The following GPM6A variants were observed in gnomAD, a reference collection of about 807,000 sequenced individuals.
The protein encoded by GPM6A is glycoprotein M6A.
Under a neutral mutation model 32.1 loss-of-function variants are expected in GPM6A, and 7 were observed. The observed-to-expected ratio is 0.22, with a 90% CI of 0.12 to 0.41. The LOEUF is 0.41. Among genes scored for constraint, GPM6A ranks in the 10% least tolerant of loss-of-function variants. The pLI, the probability that GPM6A is intolerant of heterozygous loss-of-function variation, is 1.00. For missense variants in GPM6A, 235 were observed against 347.2 expected, an observed-to-expected ratio of 0.68 and a Z score of 2.57; for synonymous variants, 130 against 123.4, an observed-to-expected ratio of 1.05 and a Z score of -0.35.
At chr4:175,862,194 A>C (rs556694891) in intron 1 of GPM6A, among the ~76,000 whole-genome samples, 12 of 152,232 alleles carry the variant, frequency 7.9e-5, no homozygotes, top group Non-Finnish European at 1.5e-4. Context: ...AAAAGTGTGC[A>C]CTTTGCAAGA....
chr4:175,771,056 T>A (rs1733167648), intron 1 of GPM6A, among the ~76,000 whole-genome samples: 1 of 152,200 alleles, frequency 6.6e-6, no homozygotes, highest in South Asian at 2.1e-4. Context: ...TTCCTCTGTA[T>A]GTCTGTAGCG....
intron 2 of GPM6A, among the ~76,000 whole-genome samples, chr4:175,685,024 A>T (rs1743899947): frequency 6.6e-6 from 1 of 151,888 alleles, no homozygotes; most frequent in Non-Finnish European, 1.5e-5. Context: ...AGTAGCTGGG[A>T]CTACAGGGGC....
intron 2 of GPM6A, among the ~76,000 whole-genome samples, chr4:175,674,722 T>C (rs1202381804): frequency 6.6e-6 from 1 of 151,666 alleles, no homozygotes; most frequent in Non-Finnish European, 1.5e-5. Context: ...TTGTTAATGA[T>C]AATGCGAATA....
At chr4:175,664,086 C>A (rs1024661363) in intron 3 of GPM6A, among the ~76,000 whole-genome samples, 3 of 151,918 alleles carry the variant, frequency 2.0e-5, no homozygotes, top group Non-Finnish European at 4.4e-5. Context: ...TGAAAGAAGC[C>A]AATCTGAAAA....
At chr4:175,737,991 G>A (rs1227452168) in intron 1 of GPM6A, among the ~76,000 whole-genome samples, 1 of 150,384 alleles carries the variant, frequency 6.6e-6, no homozygotes, top group Non-Finnish European at 1.5e-5. Flanking sequence ...AGGCTGGAGT[G>A]CAATGGTGCA....
chr4:175,929,474 G>A (rs1181200457), intron 1 of GPM6A, among the ~76,000 whole-genome samples: 1 of 152,156 alleles, frequency 6.6e-6, no homozygotes, highest in Non-Finnish European at 1.5e-5. Flanking sequence ...GATAAACTCA[G>A]TGATTAAAAT....
intron 6 of GPM6A, among the ~76,000 whole-genome samples, chr4:175,636,285 T>TATATATAC (rs1182848922): frequency 2.2e-5 from 3 of 138,418 alleles, no homozygotes; most frequent in African/African-American, 7.9e-5. Flanking sequence ...TATATATATA[T>TATATATAC]ATATATATAT....
chr4:175,984,716 T>G (rs558515091), intron 1 of GPM6A, among the ~76,000 whole-genome samples: 5 of 152,326 alleles, frequency 3.3e-5, no homozygotes, highest in African/African-American at 9.6e-5. Context: ...ATTTTTATTG[T>G]TTTTTACAAT....
At chr4:175,741,026 T>A (rs1163215235) in intron 1 of GPM6A, among the ~76,000 whole-genome samples, 1 of 152,086 alleles carries the variant, frequency 6.6e-6, no homozygotes, top group Non-Finnish European at 1.5e-5. Context: ...TACAGGCTTA[T>A]ATTTTTCAAG....
chr4:175,837,595 C>G (rs1055999835), intron 1 of GPM6A, among the ~76,000 whole-genome samples: 1 of 152,018 alleles, frequency 6.6e-6, no homozygotes, highest in African/African-American at 2.4e-5. Flanking sequence ...TCCTAAAAGC[C>G]CGCCTGTGAG....
At chr4:175,925,462 T>C (rs1367466455) in intron 1 of GPM6A, among the ~76,000 whole-genome samples, 36 of 152,232 alleles carry the variant, frequency 2.4e-4, no homozygotes, top group Non-Finnish European at 1.0e-4. Context: ...AATTTAATTC[T>C]TAAAATGATT....
In GPM6A at chr4:175,938,632, A is replaced by T. The variant is rs1739313679; in HGVS notation, c.-23+63677T>A. Among the ~76,000 whole-genome samples the T allele has an allele frequency of 2.0e-5, 3 of 151,946 alleles. No individual in the cohort carries two copies. The South Asian group carries it at 6.2e-4, about 31-fold the overall frequency. ...TTGTAAATTTGTTTATTTCTTGTACATAATCCTTAATTATGTAAGGATACA... is the reference window on the plus strand; with the variant it reads ...TTGTAAATTTGTTTATTTCTTGTACTTAATCCTTAATTATGTAAGGATACA... On this transcript the variant is annotated intron_variant, in intron 1 of 7. Coordinates refer to the GPM6A transcript ENST00000280187.
At chr4:175,904,972 G>A (rs1299494566) in intron 1 of GPM6A, among the ~76,000 whole-genome samples, 1 of 152,082 alleles carries the variant, frequency 6.6e-6, no homozygotes, top group Non-Finnish European at 1.5e-5. Context: ...TGCCCTGCAA[G>A]TTAAACCTAC....
At chr4:175,822,312 C>A (rs1053035090) in intron 1 of GPM6A, among the ~76,000 whole-genome samples, 1 of 152,014 alleles carries the variant, frequency 6.6e-6, no homozygotes, top group Non-Finnish European at 1.5e-5. Flanking sequence ...AATTGGAAAT[C>A]TTATCCTTTT....
At chr4:175,723,439 A>G (rs1028157475) in intron 1 of GPM6A, among the ~76,000 whole-genome samples, 4 of 152,092 alleles carry the variant, frequency 2.6e-5, no homozygotes, top group Non-Finnish European at 5.9e-5. Context: ...TTATTTTTTT[A>G]TTTGATTTTT....
At chr4:175,780,787 A>C (rs1226032929) in intron 1 of GPM6A, among the ~76,000 whole-genome samples, 1 of 152,180 alleles carries the variant, frequency 6.6e-6, no homozygotes, top group African/African-American at 2.4e-5. Context: ...ATCAGTCCCC[A>C]GTGTGTTCTC....
At chr4:175,813,935 T>A (rs1735022282), upstream of GPM6A, among the ~76,000 whole-genome samples, 1 of 152,202 alleles carries the variant, frequency 6.6e-6, no homozygotes, top group Admixed American at 6.5e-5. Flanking sequence ...TATATCAATG[T>A]GTATTCAAGG....
chr4:175,921,140 A>G (rs1738651925), intron 1 of GPM6A, among the ~76,000 whole-genome samples: 1 of 152,182 alleles, frequency 6.6e-6, no homozygotes, highest in Admixed American at 6.5e-5. Context: ...TATAATGTCA[A>G]CTTAATTTTA....
At chr4:175,927,134 G>A (rs955227980) in intron 1 of GPM6A, among the ~76,000 whole-genome samples, 1 of 152,190 alleles carries the variant, frequency 6.6e-6, no homozygotes, top group Non-Finnish European at 1.5e-5. Context: ...TACTCATAGA[G>A]TGCACAAAAA....
Sources: allele counts gnomAD v4.1 joint callset (sites outside exome capture counted in the v4.1 genomes callset), GRCh38; gene constraint gnomAD v4.1.1; transcripts MANE v1.5; gene names NCBI Gene and HGNC (gene_info 2026-07-23, HGNC 2026-07-21).